AKT3: variants seen among roughly 807,000 people sequenced by gnomAD.
The protein encoded by AKT3 is RAC-gamma serine/threonine-protein kinase.
In AKT3, 15 loss-of-function variants were observed where a neutral mutation model predicts 65.3. The ratio of observed to expected loss-of-function variants is 0.23; its 90% CI spans 0.15 to 0.35. The LOEUF (loss-of-function observed/expected upper bound fraction) is 0.35. AKT3 is among the 10% of genes least tolerant of loss of function. AKT3 has a pLI of 1.00. For missense variants in AKT3, 243 were observed against 576.5 expected, an observed-to-expected ratio of 0.42 and a Z score of 5.92; for synonymous variants, 206 against 183.8, an observed-to-expected ratio of 1.12 and a Z score of -0.98.
intron 2 of AKT3, among the ~76,000 whole-genome samples, chr1:243,823,747 G>A (rs1356715225): frequency 6.6e-6 from 1 of 151,160 alleles, no homozygotes; most frequent in African/African-American, 2.4e-5. Flanking sequence ...AGAACTCAAG[G>A]AAATCAGAGA....
At chr1:243,507,632 GTGA>G (rs1669755042) in intron 13 of AKT3, among the ~76,000 whole-genome samples, 1 of 152,184 alleles carries the variant, frequency 6.6e-6, no homozygotes, top group Non-Finnish European at 1.5e-5. Context: ...ATAGGGAATA[GTGA>G]TGATAATGAA....
At position 243,641,273 on chromosome 1, in the gene AKT3, T is replaced by C. The variant is rs572203265; in HGVS notation, c.430-3531A>G. On this transcript the variant is annotated intron_variant, in intron 5 of 13. Coordinates refer to ENST00000673466, the MANE Select transcript of AKT3 (RefSeq NM_005465.7). ...ATGTGTGTGTGTATATATATATATA[T>C]ACACACACACACACACGCACACACA... Among the ~76,000 whole-genome samples the C allele has an allele frequency of 4.5e-3, 653 of 144,724 alleles. 2 individuals are homozygous for C. Among genetic ancestry groups the C allele is most frequent in the African/African-American group, 0.015 (549 of 37,290 alleles). The allele number at this position is 144,724 out of a possible 152,430, so 94.9% of individuals were successfully genotyped here.
chr1:243,651,383 A>C (rs1196130974), intron 4 of AKT3, among the ~76,000 whole-genome samples: 2 of 152,000 alleles, frequency 1.3e-5, no homozygotes, highest in African/African-American at 2.4e-5. Flanking sequence ...AATATCCTTT[A>C]TTTCTTTCTC....
chr1:243,798,103 C>T (rs915850440), intron 2 of AKT3, among the ~76,000 whole-genome samples: 26 of 150,776 alleles, frequency 1.7e-4, no homozygotes, highest in African/African-American at 6.1e-4. Context: ...AGGATGGTCT[C>T]GATCTCCTGA....
intron 3 of AKT3, among the ~76,000 whole-genome samples, chr1:243,680,011 A>T (rs1470601523): frequency 6.6e-6 from 1 of 152,230 alleles, no homozygotes; most frequent in African/African-American, 2.4e-5. Flanking sequence ...TAATTATCTT[A>T]TAAGAACACC....
intron 8 of AKT3, among the ~76,000 whole-genome samples, chr1:243,605,802 G>A (rs1677361510): frequency 1.3e-5 from 2 of 152,172 alleles, no homozygotes; most frequent in Non-Finnish European, 2.9e-5. Flanking sequence ...GGCAGATATG[G>A]TTTGGCTGTG....
chr1:243,649,793 T>A (rs1434370838), intron 4 of AKT3, among the ~76,000 whole-genome samples: 2 of 152,184 alleles, frequency 1.3e-5, no homozygotes, highest in African/African-American at 4.8e-5. Flanking sequence ...TGTACCACAC[T>A]TTTTTTATCC....
At chr1:243,491,738 G>C (rs1218201900) in intron 13 of AKT3, among the ~76,000 whole-genome samples, 2 of 152,178 alleles carry the variant, frequency 1.3e-5, no homozygotes, top group Admixed American at 1.3e-4. Flanking sequence ...TTTGGATGCG[G>C]TGCCGCCTGA....
intron 2 of AKT3, among the ~76,000 whole-genome samples, chr1:243,706,406 G>T (rs1397925770): frequency 6.6e-6 from 1 of 152,148 alleles, no homozygotes; most frequent in Non-Finnish European, 1.5e-5. Flanking sequence ...TCATCAGGAG[G>T]TGGTCTGTGC....
Position 243,831,465 on chromosome 1 carries a change from A to G in AKT3, c.46+11660T>C, listed in dbSNP as rs572318265. On this transcript the variant is annotated intron_variant, in intron 2 of 13. Transcript: ENST00000673466. Reference sequence around the variant, plus strand: ...TTTTTCACTTAAAAAGACAGAGGGGAAAAAACATGCCAAGCCGAAAAACTA... The same window carrying G: ...TTTTTCACTTAAAAAGACAGAGGGGGAAAAACATGCCAAGCCGAAAAACTA... 2.6e-5 allele frequency among the ~76,000 whole-genome samples: 4 copies of G among 152,306 alleles called. No individual in the cohort carries two copies. The South Asian group carries it at 8.3e-4, about 32-fold the overall frequency.
intron 11 of AKT3, among the ~76,000 whole-genome samples, chr1:243,547,848 C>T (rs1277486593): frequency 6.6e-6 from 1 of 152,094 alleles, no homozygotes; most frequent in African/African-American, 2.4e-5. Flanking sequence ...TCTCCAACTC[C>T]CAGATCCTTA....
intron 12 of AKT3, among the ~76,000 whole-genome samples, chr1:243,512,705 T>C (rs1239836564): frequency 6.6e-6 from 1 of 152,150 alleles, no homozygotes; most frequent in Non-Finnish European, 1.5e-5. Context: ...TCTGTGCTGG[T>C]TTTTTTCCCC....
intron 2 of AKT3, among the ~76,000 whole-genome samples, chr1:243,781,920 C>A (rs1690941111): frequency 6.6e-6 from 1 of 152,076 alleles, no homozygotes; most frequent in Non-Finnish European, 1.5e-5. Flanking sequence ...CCTTCTGAGC[C>A]CAAGCAATCC....
intron 13 of AKT3, among the ~76,000 whole-genome samples, chr1:243,489,780 C>T (rs1021557894): frequency 6.6e-6 from 1 of 152,164 alleles, no homozygotes; most frequent in Admixed American, 6.5e-5. Flanking sequence ...GTAGGGACAC[C>T]GCAAACGGAG....
intron 11 of AKT3, among the ~76,000 whole-genome samples, chr1:243,549,824 G>A (rs1034313740): frequency 6.6e-6 from 1 of 152,084 alleles, no homozygotes; most frequent in Admixed American, 6.6e-5. Flanking sequence ...ACACAAATCT[G>A]ATTATACTAT....
At chr1:243,639,028 T>C (rs1333508081) in intron 5 of AKT3, among the ~76,000 whole-genome samples, 1 of 152,012 alleles carries the variant, frequency 6.6e-6, no homozygotes. Flanking sequence ...ATTACCAATA[T>C]CAGGAATGAC....
intron 1 of AKT3, among the ~76,000 whole-genome samples, chr1:243,849,169 T>A (rs1695640690): frequency 6.6e-6 from 1 of 152,232 alleles, no homozygotes; most frequent in South Asian, 2.1e-4. Context: ...TCATGGCTGA[T>A]GCGGACCGAT....
At chr1:243,533,716 C>T (rs1434728479) in intron 12 of AKT3, among the ~76,000 whole-genome samples, 6 of 152,154 alleles carry the variant, frequency 3.9e-5, no homozygotes, top group East Asian at 3.9e-4. Context: ...GAAGGCCGGG[C>T]GCGGTGGCTC....
At chr1:243,706,051 T>C (rs1366336084) in intron 2 of AKT3, among the ~76,000 whole-genome samples, 1 of 152,200 alleles carries the variant, frequency 6.6e-6, no homozygotes, top group Non-Finnish European at 1.5e-5. Context: ...TTTACCACCT[T>C]ATATTATCTA....
Sources: gnomAD v4.1 joint callset for allele counts (sites outside exome capture counted in the v4.1 genomes callset) on GRCh38, gnomAD v4.1.1 for gene constraint, MANE v1.5 for transcripts, NCBI Gene and HGNC (gene_info 2026-07-23, HGNC 2026-07-21) for gene names.